Variants in CNN2 observed in about 807,000 individuals in gnomAD.
CNN2 encodes the protein calponin 2.
CNN2 carries 21 observed loss-of-function variants against 31.0 expected under a neutral mutation model. That is an observed-to-expected ratio of 0.68 (90% confidence interval 0.48 to 0.98). The LOEUF (loss-of-function observed/expected upper bound fraction) is 0.98, where lower values mean the gene tolerates loss of function less well. CNN2 is among the 50% of genes least tolerant of loss of function. CNN2 has a pLI of 0.00. For synonymous variants in CNN2, 165 were observed against 179.6 expected, an observed-to-expected ratio of 0.92 and a Z score of 0.65; for missense variants, 399 against 427.3, an observed-to-expected ratio of 0.93 and a Z score of 0.58.
intron 6 of CNN2, chr19:1,036,840 A>G: frequency 2.0e-6 from 1 of 511,466 alleles, no homozygotes; most frequent in South Asian, 2.1e-5. Flanking sequence ...TTTTTTTTTA[A>G]TCTTTATTTA....
At chr19:1,036,085 C>T in intron 4 of CNN2, 45 bp from the exon 5 acceptor site, 2 of 1,547,442 alleles carry the variant, frequency 1.3e-6, no homozygotes, top group African/African-American at 1.4e-5. Flanking sequence ...TCTAGGGTCC[C>T]TGGCTGCCCT....
chr19:1,033,596 C>T (rs763068248), intron 4 of CNN2, among the ~76,000 whole-genome samples: 45 of 152,172 alleles, frequency 3.0e-4, no homozygotes, highest in Admixed American at 9.8e-4. Context: ...TAGTGATCTT[C>T]AAACCCAGAC....
intron 1 of CNN2, among the ~76,000 whole-genome samples, chr19:1,028,980 C>G (rs117962023): frequency 0.029 from 4,303 of 148,440 alleles, 127 homozygotes; most frequent in East Asian, 0.081. Context: ...TCAGGGGACC[C>G]TAACCCAAAT....
rs1160202457 is a variant in CNN2, at chr19:1,038,164, A to G, written c.*264A>G. 6 of 406,488 alleles carry G rather than the reference A, an allele frequency of 1.5e-5. No homozygotes were observed. In the South Asian group the frequency reaches 3.7e-4, roughly 25 times the overall value. 25.2% of individuals were successfully genotyped at this position (406,488 alleles called of 1,614,324 possible). A position where few individuals can be genotyped will look rare whatever the true frequency, so the allele number is the denominator to read the frequency against. On this transcript the variant is annotated 3_prime_UTR_variant, in exon 7 of 7. Transcript: ENST00000263097. ...GGCGAGGGTCCCTGCTGGCACATTC[A>G]GGCTGTGCTGGGAAGAAGAGACCTG... is the stretch of plus-strand genomic sequence containing the variant.
In CNN2 at chr19:1,039,012, A is replaced by T. The variant is rs2039690768; in HGVS notation, c.*1112A>T. 1 of 152,400 alleles carries T rather than the reference A, an allele frequency of 6.6e-6. No individual in the cohort carries two copies. Among genetic ancestry groups the T allele is most frequent in the Non-Finnish European group, 1.5e-5 (1 of 68,086 alleles). The allele number at this position is 152,400 out of a possible 1,614,324, so 9.4% of individuals were successfully genotyped here. A position where few individuals can be genotyped will look rare whatever the true frequency, so the allele number is the denominator to read the frequency against. ...ACCCAGGGGACCTGCTCCGTGAGATAATGTGAAATACGACTGTGGACCAAA... is the reference window on the plus strand; with the variant it reads ...ACCCAGGGGACCTGCTCCGTGAGATTATGTGAAATACGACTGTGGACCAAA... On this transcript the variant is annotated 3_prime_UTR_variant, in exon 7 of 7. Transcript: ENST00000263097.
rs1339603798 is a variant in CNN2, at chr19:1,032,439, C to T, written c.233C>T (p.Ser78Phe). Residue 78 changes from serine (S) to phenylalanine (F), a missense_variant, in exon 3 of 7, where the codon TCC becomes TTC. Transcript: ENST00000263097. ...QPGSVPKINR[S>F]MQNWHQLENL... is the part of the protein sequence containing the mutation. ...GGCTCCGTCCCCAAGATCAACCGCT[C>T]CATGCAGAACTGGCACCAGGTGAGG... 6.2e-7 allele frequency: 1 copy of T among 1,613,716 alleles called. No individual in the cohort carries two copies. Among genetic ancestry groups the T allele is most frequent in the Non-Finnish European group, 8.5e-7 (1 of 1,180,018 alleles).
At chr19:1,030,937 T>G in intron 1 of CNN2, 134 bp from the exon 2 acceptor site, 1 of 1,137,922 alleles carries the variant, frequency 8.8e-7, no homozygotes, top group East Asian at 2.5e-5. Flanking sequence ...GTGGGTGTGG[T>G]GAGGGGGGAC....
In CNN2 at chr19:1,027,259, G is replaced by C. The variant is rs572874213; in HGVS notation, c.63+535G>C. 2.6e-5 allele frequency among the ~76,000 whole-genome samples: 4 copies of C among 152,358 alleles called. No homozygotes were observed. The East Asian group carries it at 5.8e-4, about 22-fold the overall frequency. ...TCTGGGACACCTTGGGGGTGTCTTG[G>C]GGGGAGGGGCGGTAGCCGCTTTGCA... On this transcript the variant is annotated intron_variant, in intron 1 of 6. Transcript: ENST00000263097.
At position 1,036,032 on chromosome 19, in the gene CNN2, G is replaced by T. The variant is rs570897663; in HGVS notation, c.391-98G>T. The stretch of plus-strand genomic sequence containing the variant: ...GGGGCTCTGCGCGGCAGGCAGAGGT[G>T]ACAGGCCGCGGCCTGGTCTCTGTCC... On this transcript the variant is annotated intron_variant, in intron 4 of 6. Coordinates refer to ENST00000263097, the MANE Select transcript of CNN2 (RefSeq NM_004368.4). 39 of 1,454,980 alleles carry T rather than the reference G, an allele frequency of 2.7e-5. No individual in the cohort carries two copies. In the African/African-American group the frequency reaches 5.4e-4, roughly 20 times the overall value. The allele number at this position is 1,454,980 out of a possible 1,614,324, so 90.1% of individuals were successfully genotyped here. A position where few individuals can be genotyped will look rare whatever the true frequency, so the allele number is the denominator to read the frequency against.
At chr19:1,030,766 G>A (rs1374390243) in intron 1 of CNN2, among the ~76,000 whole-genome samples, 2 of 152,194 alleles carry the variant, frequency 1.3e-5, no homozygotes, top group African/African-American at 4.8e-5. Flanking sequence ...GGCAGGGCGG[G>A]GAGGCAGATC....
Position 1,037,820 on chromosome 19 carries a change from C to A in CNN2, c.850C>A (p.Pro284Thr), listed in dbSNP as rs769710319. 1.2e-6 allele frequency: 2 copies of A among 1,608,346 alleles called. No individual in the cohort carries two copies. The highest frequency in any genetic ancestry group is 4.5e-5 in the East Asian group (2 of 44,800). Residue 284 changes from proline to threonine, a missense_variant, in exon 7 of 7, where the codon CCC (proline) becomes ACC (threonine). Physicochemically the swap from Pro to Thr is conservative, Grantham distance 38. Transcript: ENST00000263097. The stretch of plus-strand genomic sequence containing the variant: ...GCAAGGCACAGTGGCCGATGGGGCT[C>A]CCTCGGGCACCGGCGACTGCCCGGA... ...CPQGTVADGA[P>T]SGTGDCPDPG... is the part of the protein sequence containing the mutation.
At chr19:1,032,538 C>T (rs1259685906) in intron 3 of CNN2, 21 bp from the exon 4 acceptor site, 4 of 1,613,272 alleles carry the variant, frequency 2.5e-6, no homozygotes, top group Non-Finnish European at 3.4e-6. Flanking sequence ...CACTCACTGT[C>T]CCTCTCCTGC....
chr19:1,028,358 G>A (rs1039944811), intron 1 of CNN2, among the ~76,000 whole-genome samples: 23 of 152,118 alleles, frequency 1.5e-4, no homozygotes, highest in African/African-American at 5.3e-4. Context: ...CAGTCTGTCC[G>A]TTTGGAGGGT....
intron 1 of CNN2, among the ~76,000 whole-genome samples, chr19:1,028,017 C>T (rs1028873941): frequency 3.3e-5 from 5 of 152,214 alleles, no homozygotes; most frequent in Non-Finnish European, 7.4e-5. Flanking sequence ...ACTCCTCCTT[C>T]AAGGGGCCAT....
chr19:1,028,090 A>G (rs1279645870), intron 1 of CNN2, among the ~76,000 whole-genome samples: 1 of 152,006 alleles, frequency 6.6e-6, no homozygotes, highest in Admixed American at 6.5e-5. Context: ...CACCCTGCAT[A>G]CAGCCGGCTA....
At chr19:1,035,782 C>T (rs1288672026) in intron 4 of CNN2, among the ~76,000 whole-genome samples, 5 of 152,128 alleles carry the variant, frequency 3.3e-5, no homozygotes, top group Non-Finnish European at 5.9e-5. Flanking sequence ...ATTAGCCTGG[C>T]GTGGTGGCAC....
In CNN2 at chr19:1,036,580, G is replaced by GC; in HGVS notation, c.654+23dup. The GC allele has an allele frequency of 6.2e-7, 1 of 1,613,402 alleles. No individual in the cohort carries two copies. The highest frequency in any genetic ancestry group is 8.5e-7 in the Non-Finnish European group (1 of 1,179,866). ...CCAGCCAGGTGGGGCTCGCCCGGGT[G>GC]CCCCCGACTCCTCTCCCTGCCCCTC... is the stretch of plus-strand genomic sequence containing the variant. On this transcript the variant is annotated intron_variant, in intron 6 of 6. Transcript: ENST00000263097.
chr19:1,030,386 G>A (rs774992099), intron 1 of CNN2, among the ~76,000 whole-genome samples: 6 of 152,170 alleles, frequency 3.9e-5, no homozygotes, highest in African/African-American at 1.4e-4. Flanking sequence ...CAGCACTTTG[G>A]AGGGCTGAGA....
chr19:1,033,690 C>T (rs1406846164), intron 4 of CNN2, among the ~76,000 whole-genome samples: 4 of 75,106 alleles, frequency 5.3e-5, no homozygotes, highest in South Asian at 4.8e-4. Flanking sequence ...GGGTGGGACA[C>T]GGTGTCTGGT....
Sources: allele counts gnomAD v4.1 joint callset (sites outside exome capture counted in the v4.1 genomes callset), GRCh38; gene constraint gnomAD v4.1.1; transcripts MANE v1.5; gene names NCBI Gene and HGNC (gene_info 2026-07-23, HGNC 2026-07-21).